MED13: variants seen among roughly 807,000 people sequenced by gnomAD.
The protein encoded by MED13 is mediator complex subunit 13, also known as mediator of RNA polymerase II transcription subunit 13.
MED13 carries 23 observed loss-of-function variants against 225.2 expected under a neutral mutation model. That is an observed-to-expected ratio of 0.10 (90% CI 0.07 to 0.14). MED13 has a LOEUF of 0.14. Ranked by LOEUF, MED13 falls within the 10% of genes least tolerant of loss-of-function variation. The pLI is 1.00. For synonymous variants in MED13, 942 were observed against 889.2 expected, an observed-to-expected ratio of 1.06 and a Z score of -1.06; for missense variants, 2,197 against 2,594.5, an observed-to-expected ratio of 0.85 and a Z score of 3.33.
intron 11 of MED13, among the ~76,000 whole-genome samples, chr17:61,990,769 T>C (rs1261883207): frequency 2.0e-5 from 3 of 152,054 alleles, no homozygotes; most frequent in East Asian, 3.9e-4. Flanking sequence ...CTATACTATG[T>C]CTCTCTATTC....
In MED13 at chr17:61,982,418, C is replaced by G. The variant is rs754388791; in HGVS notation, c.3585G>C (p.Gln1195His). Residue 1195 changes from glutamine (Q) to histidine (H), a missense_variant, in exon 16 of 30, where the codon CAG becomes CAC. By Grantham distance (24) the Gln-to-His change is conservative. Transcript: ENST00000397786. ...SDDLILLLQDQCTNLFSPFGA... is the reference protein window; with the variant it reads ...SDDLILLLQDHCTNLFSPFGA... The stretch of plus-strand genomic sequence containing the variant: ...CAAAGGGTGAAAATAAATTAGTGCA[C>G]TGATCTTGTAGCAATAATATCAAAT... The G allele has an allele frequency of 3.7e-6, 6 of 1,614,184 alleles. No homozygotes were observed. The highest frequency in any genetic ancestry group is 1.1e-5 in the South Asian group (1 of 91,082).
At chr17:62,039,377 G>A (rs2080833282) in intron 3 of MED13, among the ~76,000 whole-genome samples, 1 of 152,010 alleles carries the variant, frequency 6.6e-6, no homozygotes, top group South Asian at 2.1e-4. Flanking sequence ...CCACTTCCCA[G>A]GTTAAAGCGA....
intron 22 of MED13, 23 bp downstream of exon 22, chr17:61,961,565 G>C (rs368470033): frequency 6.5e-7 from 1 of 1,539,306 alleles, no homozygotes; most frequent in African/African-American, 1.4e-5. Flanking sequence ...ATTGAACTTC[G>C]GTCATGAAAA....
chr17:62,021,200 T>C (rs1393202832), intron 8 of MED13, among the ~76,000 whole-genome samples: 1 of 151,110 alleles, frequency 6.6e-6, no homozygotes. Flanking sequence ...AATGAGCTGT[T>C]GGGTACACCT....
At chr17:62,018,834 G>A (rs745889703) in intron 8 of MED13, among the ~76,000 whole-genome samples, 1 of 152,040 alleles carries the variant, frequency 6.6e-6, no homozygotes, top group Non-Finnish European at 1.5e-5. Context: ...CTAGAATATC[G>A]ATCCTACACG....
chr17:62,059,593 C>T (rs2081021919), intron 2 of MED13, among the ~76,000 whole-genome samples: 4 of 152,296 alleles, frequency 2.6e-5, no homozygotes, highest in African/African-American at 9.6e-5. Context: ...GCAGCTGATG[C>T]TACCCTGTAC....
intron 11 of MED13, among the ~76,000 whole-genome samples, chr17:61,989,005 T>C (rs1050625170): frequency 2.7e-5 from 4 of 150,150 alleles, no homozygotes; most frequent in African/African-American, 9.7e-5. Flanking sequence ...TCTACTTCCA[T>C]GAATCCAGCT....
intron 26 of MED13, among the ~76,000 whole-genome samples, chr17:61,955,117 T>G (rs2079931180): frequency 6.6e-6 from 1 of 152,150 alleles, no homozygotes; most frequent in Non-Finnish European, 1.5e-5. Flanking sequence ...TTGACTTTGC[T>G]TCCCACTGTT....
chr17:62,042,188 A>G (rs1216154718), intron 3 of MED13, among the ~76,000 whole-genome samples: 2 of 152,234 alleles, frequency 1.3e-5, no homozygotes, highest in South Asian at 2.1e-4. Flanking sequence ...ACTAAAATCC[A>G]GAAGTTAACA....
intron 2 of MED13, among the ~76,000 whole-genome samples, chr17:62,058,539 AAAAGAAAG>A (rs1555645943): frequency 6.8e-6 from 1 of 146,358 alleles, no homozygotes; most frequent in African/African-American, 2.5e-5. Flanking sequence ...AAAAAAAAAA[AAAAGAAAG>A]AAAGAAAGAA....
chr17:62,035,450 T>C lies in MED13; in HGVS notation c.616+13A>G, dbSNP rs749557056. On this transcript the variant is annotated intron_variant, in intron 4 of 29. Transcript: ENST00000397786. ...ATAAAAGATCAAATACCTAATATAA[T>C]AAAATAATCTACCTTGAAATGGGCT... The C allele has an allele frequency of 1.0e-5, 16 of 1,577,160 alleles. No homozygotes were observed. In the Admixed American group the frequency reaches 1.3e-4, roughly 13 times the overall value.
intron 8 of MED13, among the ~76,000 whole-genome samples, chr17:62,016,650 A>C (rs2080584505): frequency 6.6e-6 from 1 of 152,220 alleles, no homozygotes; most frequent in Non-Finnish European, 1.5e-5. Context: ...GAAATGCCAA[A>C]TATCACTAAT....
intron 3 of MED13, among the ~76,000 whole-genome samples, chr17:62,044,598 CAT>C (rs1190950827): frequency 6.6e-5 from 10 of 152,176 alleles, no homozygotes; most frequent in Non-Finnish European, 1.2e-4. Flanking sequence ...CCTATATGTA[CAT>C]GTCTATATGT....
chr17:62,021,066 G>A (rs200852218), intron 8 of MED13, among the ~76,000 whole-genome samples: 9,567 of 150,072 alleles, frequency 0.064, 314 homozygotes, highest in South Asian at 0.28. Flanking sequence ...AGAACAAAAT[G>A]AAAAGTCTCC....
In MED13 at chr17:61,966,600, T is replaced by G. The variant is rs1227268053; in HGVS notation, c.4243A>C (p.Ile1415Leu). 6.2e-7 allele frequency: 1 copy of G among 1,613,764 alleles called. No homozygotes were observed. The highest frequency in any genetic ancestry group is 1.7e-4 in the Middle Eastern group (1 of 6,058). The change falls in exon 19 of 30, where the codon ATC (isoleucine) becomes CTC (leucine). Residue 1415 changes from isoleucine (I) to leucine (L), a missense_variant. Around this residue, in one of 12 missense-constraint regions of MED13, gnomAD observed 457 missense variants for 442.2 expected, o/e 1.03. Coordinates refer to ENST00000397786, the MANE Select transcript of MED13 (RefSeq NM_005121.3). Reference protein sequence around the residue: ...RPVSRLLTDGIMRVGSTASKK... With the variant: ...RPVSRLLTDGLMRVGSTASKK... Reference sequence around the variant, plus strand: ...GATGCAGTAGATCCAACTCTCATGATCCCATCTGTTAACAGTCGAGAAACA... The same window carrying G: ...GATGCAGTAGATCCAACTCTCATGAGCCCATCTGTTAACAGTCGAGAAACA...
intron 16 of MED13, among the ~76,000 whole-genome samples, chr17:61,981,613 C>G (rs567807405): frequency 3.9e-4 from 59 of 152,326 alleles, no homozygotes; most frequent in African/African-American, 1.3e-3. Context: ...CATTTAACTA[C>G]ATAGCTCATA....
chr17:61,973,959 G>A lies in MED13; in HGVS notation c.3806-1071C>T, dbSNP rs368767086. Among the ~76,000 whole-genome samples, 14 of 151,976 alleles carry A rather than the reference G, an allele frequency of 9.2e-5. No individual in the cohort carries two copies. In the East Asian group the frequency reaches 2.7e-3, roughly 29 times the overall value. ...GATCATGGCATTGCACTCCAGCTTG[G>A]GTGACAAAGTGAGAGCCTGTTGTCT... is the stretch of plus-strand genomic sequence containing the variant. On this transcript the variant is annotated intron_variant, in intron 16 of 29. Coordinates refer to ENST00000397786, the MANE Select transcript of MED13 (RefSeq NM_005121.3).
chr17:62,019,573 G>A (rs2080617281), intron 8 of MED13, among the ~76,000 whole-genome samples: 1 of 152,014 alleles, frequency 6.6e-6, no homozygotes, highest in Non-Finnish European at 1.5e-5. Context: ...AAAAGTAAAT[G>A]GCCATACATT....
At chr17:62,032,242 G>C (rs2080764153) in intron 5 of MED13, 1 of 151,886 alleles carries the variant, frequency 6.6e-6, no homozygotes, top group Non-Finnish European at 1.5e-5. Context: ...GGGAGGCCGA[G>C]GCAGGTGGGT....
Sources: gnomAD v4.1 joint callset for allele counts (sites outside exome capture counted in the v4.1 genomes callset) on GRCh38, gnomAD v4.1.1 for gene constraint, gnomAD v4.1.1 regional missense constraint, MANE v1.5 for transcripts, NCBI Gene and HGNC (gene_info 2026-07-23, HGNC 2026-07-21) for gene names.